The following PTPRK variants were observed in gnomAD, a reference collection of about 807,000 sequenced individuals.
PTPRK encodes protein tyrosine phosphatase receptor type K, also known as receptor-type tyrosine-protein phosphatase kappa.
In PTPRK, 75 loss-of-function variants were observed where a neutral mutation model predicts 178.0. The observed-to-expected ratio is 0.42, with a 90% CI of 0.35 to 0.51. PTPRK has a LOEUF of 0.51. PTPRK is among the 20% of genes least tolerant of loss of function. PTPRK has a pLI of 0.02. For synonymous variants in PTPRK, 637 were observed against 620.6 expected (o/e 1.03, Z -0.39); for missense variants, 1,441 against 1,797.8 (o/e 0.80, Z 3.59).
intron 18 of PTPRK, 86 bp from the exon 19 acceptor site, chr6:127,992,795 CTGT>C: frequency 3.7e-6 from 4 of 1,072,648 alleles, no homozygotes; most frequent in Non-Finnish European, 5.5e-6. Context: ...AGACAACCAC[CTGT>C]TAAGATTAAG....
At position 128,190,419 on chromosome 6, in the gene PTPRK, T is replaced by A. The variant is rs151102715; in HGVS notation, c.869-5694A>T. Among the ~76,000 whole-genome samples the A allele has an allele frequency of 1.1e-4, 16 of 151,726 alleles. No homozygotes were observed. In the East Asian group the frequency reaches 3.1e-3, roughly 29 times the overall value. Reference sequence around the variant, plus strand: ...AAGTTTTATTTACTTTGTACACTGATAGAATTGAGTTAAATTTGTTTTATT... The same window carrying A: ...AAGTTTTATTTACTTTGTACACTGAAAGAATTGAGTTAAATTTGTTTTATT... On this transcript the variant is annotated intron_variant, in intron 6 of 29. Coordinates refer to ENST00000368226, the MANE Select transcript of PTPRK (RefSeq NM_002844.4).
chr6:128,224,189 A>T (rs1404353616), intron 5 of PTPRK, among the ~76,000 whole-genome samples: 1 of 152,162 alleles, frequency 6.6e-6, no homozygotes, highest in Non-Finnish European at 1.5e-5. Context: ...AGGGATTATA[A>T]CCTAGCACTA....
chr6:128,159,377 C>T (rs1484458182), intron 7 of PTPRK, among the ~76,000 whole-genome samples: 2 of 151,714 alleles, frequency 1.3e-5, no homozygotes, highest in African/African-American at 2.4e-5. Context: ...TATAAAAATG[C>T]CAAGTGATTT....
chr6:128,301,769 G>T (rs1345419573), intron 3 of PTPRK, among the ~76,000 whole-genome samples: 1 of 152,048 alleles, frequency 6.6e-6, no homozygotes, highest in Non-Finnish European at 1.5e-5. Context: ...TTTAGAGTTG[G>T]AGATCATCAT....
chr6:128,504,968 C>T (rs1856104246), intron 1 of PTPRK, among the ~76,000 whole-genome samples: 1 of 152,086 alleles, frequency 6.6e-6, no homozygotes, highest in Admixed American at 6.6e-5. Context: ...AGCAAGTATA[C>T]ATCCCTGCTT....
At chr6:128,447,843 C>T (rs917066156) in intron 1 of PTPRK, among the ~76,000 whole-genome samples, 11 of 151,994 alleles carry the variant, frequency 7.2e-5, no homozygotes, top group East Asian at 5.8e-4. Flanking sequence ...AGGCTTGTCT[C>T]GAACTCCTGA....
intron 17 of PTPRK, 68 bp from the exon 18 acceptor site, chr6:127,995,606 AG>A: frequency 1.1e-6 from 1 of 942,090 alleles, no homozygotes. Context: ...TGTCATTGGT[AG>A]AGACTAAAGA....
chr6:127,997,435 A>G (rs1291782304), intron 16 of PTPRK, among the ~76,000 whole-genome samples: 1 of 152,152 alleles, frequency 6.6e-6, no homozygotes, highest in East Asian at 1.9e-4. Context: ...TGTGTGCAAT[A>G]CATCGCATCT....
At chr6:128,251,945 TGCATGAAAAGCA>T (rs774825604) in intron 3 of PTPRK, among the ~76,000 whole-genome samples, 2 of 152,170 alleles carry the variant, frequency 1.3e-5, no homozygotes, top group Non-Finnish European at 2.9e-5. Context: ...AGAGTGCAGT[TGCATGAAAAGCA>T]GCTAGAGCAT....
At chr6:128,195,893 T>C (rs1260094970) in intron 6 of PTPRK, among the ~76,000 whole-genome samples, 1 of 152,166 alleles carries the variant, frequency 6.6e-6, no homozygotes, top group African/African-American at 2.4e-5. Context: ...TCAAATGATA[T>C]TAATTAGCAA....
chr6:128,496,385 C>G (rs1854665048), intron 1 of PTPRK, among the ~76,000 whole-genome samples: 1 of 152,134 alleles, frequency 6.6e-6, no homozygotes, highest in South Asian at 2.1e-4. Context: ...AAAATTCCAC[C>G]TCTGATTATT....
intron 24 of PTPRK, among the ~76,000 whole-genome samples, chr6:127,981,603 C>T (rs552223224): frequency 2.2e-4 from 34 of 152,200 alleles, no homozygotes; most frequent in South Asian, 4.1e-4. Context: ...ATGATAATGA[C>T]CCTTCATCAC....
intron 1 of PTPRK, among the ~76,000 whole-genome samples, chr6:128,428,105 A>G (rs1844392416): frequency 6.6e-6 from 1 of 152,148 alleles, no homozygotes; most frequent in Non-Finnish European, 1.5e-5. Context: ...AAAAAAGAAA[A>G]AAAAAGTTTG....
chr6:128,291,745 T>A (rs955600503), intron 3 of PTPRK, among the ~76,000 whole-genome samples: 1 of 152,152 alleles, frequency 6.6e-6, no homozygotes, highest in African/African-American at 2.4e-5. Flanking sequence ...TGCAAACTTA[T>A]GTTGTGTTTG....
intron 11 of PTPRK, among the ~76,000 whole-genome samples, chr6:128,072,743 C>T (rs1783054027): frequency 6.6e-6 from 1 of 151,992 alleles, no homozygotes; most frequent in African/African-American, 2.4e-5. Context: ...TTTTCTACTT[C>T]TGCCATGAAG....
At chr6:128,227,244 A>T (rs981488286) in intron 5 of PTPRK, among the ~76,000 whole-genome samples, 1 of 152,224 alleles carries the variant, frequency 6.6e-6, no homozygotes, top group East Asian at 1.9e-4. Flanking sequence ...CGTGATGCAT[A>T]TGAGTCCACA....
chr6:128,038,811 T>C (rs1776670431), intron 13 of PTPRK, among the ~76,000 whole-genome samples: 1 of 152,048 alleles, frequency 6.6e-6, no homozygotes. Flanking sequence ...TCTTCATTCT[T>C]CATGCAACAA....
At chr6:128,162,455 C>A (rs1798837592) in intron 7 of PTPRK, among the ~76,000 whole-genome samples, 1 of 151,612 alleles carries the variant, frequency 6.6e-6, no homozygotes. Context: ...GTGGGTATAG[C>A]TCATGCACTC....
chr6:128,209,998 A>G (rs1181078711), intron 6 of PTPRK, among the ~76,000 whole-genome samples: 2 of 152,074 alleles, frequency 1.3e-5, no homozygotes, highest in African/African-American at 4.8e-5. Context: ...GCATATTCTG[A>G]CTTACTGTGT....
Sources: gnomAD v4.1 joint callset for allele counts (sites outside exome capture counted in the v4.1 genomes callset) on GRCh38, gnomAD v4.1.1 for gene constraint, MANE v1.5 for transcripts, NCBI Gene and HGNC (gene_info 2026-07-23, HGNC 2026-07-21) for gene names.